The following RALGPS1 variants were observed in gnomAD, a reference collection of about 807,000 sequenced individuals.
RALGPS1 encodes Ral GEF with PH domain and SH3 binding motif 1, also known as ras-specific guanine nucleotide-releasing factor RalGPS1.
A neutral mutation model predicts 78.8 loss-of-function variants in RALGPS1; 19 were observed. The observed-to-expected ratio is 0.24, with a 90% CI of 0.17 to 0.35. RALGPS1 has a LOEUF of 0.35. Among genes scored for constraint, RALGPS1 ranks in the 10% least tolerant of loss-of-function variants. The pLI, the probability that RALGPS1 is intolerant of heterozygous loss-of-function variation, is 1.00. For missense variants in RALGPS1, 454 were observed against 688.3 expected, an observed-to-expected ratio of 0.66 and a Z score of 3.81; for synonymous variants, 228 against 256.3, an observed-to-expected ratio of 0.89 and a Z score of 1.06.
intron 13 of RALGPS1, among the ~76,000 whole-genome samples, chr9:127,198,598 C>T (rs1424763871): frequency 1.3e-5 from 2 of 152,182 alleles, no homozygotes; most frequent in African/African-American, 4.8e-5. Context: ...CTGTGACCAA[C>T]GTCTAGTCAA....
At chr9:127,095,571 G>C (rs2053036824) in intron 8 of RALGPS1, among the ~76,000 whole-genome samples, 2 of 152,236 alleles carry the variant, frequency 1.3e-5, no homozygotes, top group African/African-American at 4.8e-5. Flanking sequence ...AGGGCAGGGT[G>C]GGGCCGCTCT....
intron 14 of RALGPS1, among the ~76,000 whole-genome samples, chr9:127,201,421 G>A (rs147130292): frequency 0.013 from 1,984 of 152,290 alleles, 19 homozygotes; most frequent in Non-Finnish European, 0.016. Flanking sequence ...CCCAGGCCCC[G>A]TGCAGTCCTG....
In RALGPS1 at chr9:127,144,736, G is replaced by A. The variant is rs138928933; in HGVS notation, c.611-21333G>A. On this transcript the variant is annotated intron_variant, in intron 8 of 18. Transcript: ENST00000259351. ...ACCTTGAAAACGCTAAGTGAAAGAA[G>A]CCAGACACAAAAGGTCTCATATTAT... Among the ~76,000 whole-genome samples, 69 of 152,304 alleles carry A rather than the reference G, an allele frequency of 4.5e-4. 1 individual carries two copies. In the East Asian group the frequency reaches 0.012, roughly 27 times the overall value.
At chr9:127,108,753 A>G in intron 8 of RALGPS1, 6 of 1,582,646 alleles carry the variant, frequency 3.8e-6, no homozygotes, top group Non-Finnish European at 5.2e-6. Context: ...AATGGTGGTT[A>G]TTCTTTGTGA....
At chr9:127,047,691 G>A (rs1272959148) in intron 5 of RALGPS1, among the ~76,000 whole-genome samples, 4 of 144,640 alleles carry the variant, frequency 2.8e-5, no homozygotes, top group African/African-American at 1.0e-4. Context: ...AGAGCGAGAC[G>A]CCCTCTCAAA....
At chr9:127,217,238 G>A (rs2131044619) in intron 18 of RALGPS1, 4 of 1,211,700 alleles carry the variant, frequency 3.3e-6, no homozygotes, top group African/African-American at 3.1e-5. Flanking sequence ...ACCTGGAGGA[G>A]GGGATTTTTC....
chr9:126,929,267 G>A (rs28549054), intron 1 of RALGPS1, among the ~76,000 whole-genome samples: 12,043 of 152,226 alleles, frequency 0.079, 1,576 homozygotes, highest in African/African-American at 0.27. Context: ...AGAGGATAAG[G>A]ATAGCAGTGG....
intron 1 of RALGPS1, among the ~76,000 whole-genome samples, chr9:126,948,438 T>C (rs148670888): frequency 0.011 from 1,678 of 152,166 alleles, 19 homozygotes; most frequent in South Asian, 0.035. Flanking sequence ...AATCGCTCGC[T>C]TGAACCTGGG....
At chr9:126,952,671 GTGTGTGTGTC>G (rs143410639) in intron 1 of RALGPS1, among the ~76,000 whole-genome samples, 24,476 of 149,568 alleles carry the variant, frequency 0.16, 2,570 homozygotes, top group East Asian at 0.41. Flanking sequence ...GTGTGTGTGT[GTGTGTGTGTC>G]TGTGTGTCTG....
At chr9:127,089,549 G>A (rs760358352) in intron 8 of RALGPS1, among the ~76,000 whole-genome samples, 1 of 152,188 alleles carries the variant, frequency 6.6e-6, no homozygotes, top group South Asian at 2.1e-4. Context: ...TGAGGTGGGC[G>A]GGGAGGGAGA....
At chr9:127,026,638 C>T (rs2045985730) in intron 4 of RALGPS1, among the ~76,000 whole-genome samples, 1 of 152,110 alleles carries the variant, frequency 6.6e-6, no homozygotes, top group Admixed American at 6.5e-5. Context: ...CTTTTTCTTC[C>T]AAAGTCATTG....
At chr9:127,136,696 A>G (rs775889042) in intron 8 of RALGPS1, among the ~76,000 whole-genome samples, 7 of 151,866 alleles carry the variant, frequency 4.6e-5, no homozygotes, top group Non-Finnish European at 8.8e-5. Context: ...TCTCCCCACC[A>G]TCACCTCACC....
chr9:127,075,369 G>T (rs2050585363), intron 8 of RALGPS1, among the ~76,000 whole-genome samples: 1 of 152,192 alleles, frequency 6.6e-6, no homozygotes, highest in South Asian at 2.1e-4. Context: ...GTGTATGAGG[G>T]TTTACCATGG....
rs372828949 is a variant in RALGPS1, at chr9:127,126,662, C to T, written c.611-39407C>T. Among the ~76,000 whole-genome samples, 3 of 152,316 alleles carry T rather than the reference C, an allele frequency of 2.0e-5. No individual in the cohort carries two copies. In the East Asian group the frequency reaches 5.8e-4, roughly 29 times the overall value. Reference sequence around the variant, plus strand: ...TAATTTCGTCTAAAGTATTTTATGTCAGATACTACAATGTTTGGTTCTAGA... The same window carrying T: ...TAATTTCGTCTAAAGTATTTTATGTTAGATACTACAATGTTTGGTTCTAGA... On this transcript the variant is annotated intron_variant, in intron 8 of 18. Coordinates refer to ENST00000259351, the MANE Select transcript of RALGPS1 (RefSeq NM_014636.3).
intron 8 of RALGPS1, chr9:127,094,058 CA>C: frequency 2.0e-6 from 2 of 1,012,108 alleles, no homozygotes; most frequent in Non-Finnish European, 2.8e-6. Context: ...CTGAGGTAAC[CA>C]ATTTTTGTTT....
chr9:127,195,239 C>T lies in RALGPS1; in HGVS notation c.1037+22C>T, dbSNP rs1199644777. On this transcript the variant is annotated intron_variant, in intron 12 of 18. Coordinates refer to ENST00000259351, the MANE Select transcript of RALGPS1 (RefSeq NM_014636.3). ...ACAAGTGGGTGACTGAGCAAGCCCTCCCGCCGGGCTTCAGACCGTCCTGCA... is the reference window on the plus strand; with the variant it reads ...ACAAGTGGGTGACTGAGCAAGCCCTTCCGCCGGGCTTCAGACCGTCCTGCA... The T allele has an allele frequency of 1.9e-6, 3 of 1,604,960 alleles. No individual in the cohort carries two copies. In the African/African-American group the frequency reaches 4.0e-5, roughly 21 times the overall value.
intron 11 of RALGPS1, among the ~76,000 whole-genome samples, chr9:127,191,797 A>T (rs1437544881): frequency 2.1e-5 from 3 of 145,984 alleles, no homozygotes; most frequent in Admixed American, 7.1e-5. Context: ...TCCCAGGTTC[A>T]CGCCATTCTC....
chr9:126,941,127 T>TAC (rs2036738845), intron 1 of RALGPS1, among the ~76,000 whole-genome samples: 1 of 76,892 alleles, frequency 1.3e-5, no homozygotes, highest in African/African-American at 4.3e-5. Flanking sequence ...ACTTCTCATA[T>TAC]ACGCCCCCCC....
chr9:127,145,340 T>C (rs1271912069), intron 8 of RALGPS1, among the ~76,000 whole-genome samples: 3 of 152,202 alleles, frequency 2.0e-5, no homozygotes, highest in Admixed American at 1.3e-4. Flanking sequence ...CGCTGGTCAG[T>C]GGCAGAGCCA....
Sources: gnomAD v4.1 joint callset for allele counts (sites outside exome capture counted in the v4.1 genomes callset) on GRCh38, gnomAD v4.1.1 for gene constraint, MANE v1.5 for transcripts, NCBI Gene and HGNC (gene_info 2026-07-23, HGNC 2026-07-21) for gene names.